The following ARFGEF2 variants were observed in gnomAD, a reference collection of about 807,000 sequenced individuals.
The protein encoded by ARFGEF2 is brefeldin A-inhibited guanine nucleotide-exchange protein 2.
A neutral mutation model predicts 219.9 loss-of-function variants in ARFGEF2; 74 were observed. The observed-to-expected ratio is 0.34, with a 90% confidence interval of 0.28 to 0.41. The LOEUF is 0.41. ARFGEF2 is among the 10% of genes least tolerant of loss of function. The probability of loss-of-function intolerance (pLI) is 1.00; values close to 1 mark genes in which losing one functional copy is unlikely to be tolerated. For synonymous variants in ARFGEF2, 733 were observed against 799.2 expected, an observed-to-expected ratio of 0.92 and a Z score of 1.40; for missense variants, 1,743 against 2,218.3, an observed-to-expected ratio of 0.79 and a Z score of 4.30.
In ARFGEF2 at chr20:48,921,909, AGAGCAT is replaced by A; in HGVS notation, c.22_27del (p.Ser8_Met9del). 6.4e-7 allele frequency: 1 copy of A among 1,551,662 alleles called. No individual in the cohort carries two copies. The highest frequency in any genetic ancestry group is 8.7e-7 in the Non-Finnish European group (1 of 1,147,004). ...GGGGCCATGCAGGAGAGCCAGACCA[AGAGCAT>A]GTTCGTGTCCCGGGCCCTGGAGAAG... On this transcript the variant is annotated inframe_deletion, in exon 1 of 39. Transcript: ENST00000371917.
intron 20 of ARFGEF2, among the ~76,000 whole-genome samples, chr20:48,989,961 C>T (rs2091347937): frequency 6.6e-6 from 1 of 152,152 alleles, no homozygotes. Flanking sequence ...AGGCAGATCA[C>T]CTGAAGTTGG....
In ARFGEF2 at chr20:48,998,361, T is replaced by C; in HGVS notation, c.3288T>C (p.Ala1096=). The C allele has an allele frequency of 6.2e-7, 1 of 1,614,190 alleles. No homozygotes were observed. ...AIVDFVRWLC[A]VSMDELASPH... ...TTGACTTTGTCCGCTGGCTGTGTGCTGTGTCCATGGATGAACTGGCTTCCC... is the reference window on the plus strand; with the variant it reads ...TTGACTTTGTCCGCTGGCTGTGTGCCGTGTCCATGGATGAACTGGCTTCCC... The change falls in exon 25 of 39, where the codon GCT becomes GCC. Residue 1096 remains alanine (A), a synonymous_variant. Coordinates refer to ENST00000371917, the MANE Select transcript of ARFGEF2 (RefSeq NM_006420.3).
intron 27 of ARFGEF2, 71 bp downstream of exon 27, chr20:49,010,475 T>C: frequency 6.3e-7 from 1 of 1,574,856 alleles, no homozygotes; most frequent in Non-Finnish European, 8.7e-7. Context: ...TGCTGTCTAT[T>C]TTACTACCTA....
At chr20:49,032,973 CAAA>C (rs200019014) in intron 38 of ARFGEF2, 47 bp from the exon 39 acceptor site, 39 of 1,300,122 alleles carry the variant, frequency 3.0e-5, no homozygotes, top group Admixed American at 3.9e-5. Context: ...AACTGGTGCC[CAAA>C]AAAAAAAAAA....
chr20:48,926,519 T>G lies in ARFGEF2; in HGVS notation c.121+4509T>G, dbSNP rs565816160. On this transcript the variant is annotated intron_variant, in intron 1 of 38. Transcript: ENST00000371917. ...CCCAGGCTGGAGTGCAGTGGTGGGG[T>G]GCGATCTCAGGTCACTGCAACCTCT... is the stretch of plus-strand genomic sequence containing the variant. Among the ~76,000 whole-genome samples, 162 of 151,252 alleles carry G rather than the reference T, an allele frequency of 1.1e-3. 1 individual carries two copies. The highest frequency in any genetic ancestry group is 9.2e-3 in the South Asian group (44 of 4,796).
intron 1 of ARFGEF2, among the ~76,000 whole-genome samples, chr20:48,927,989 A>G (rs1423349918): frequency 6.6e-6 from 1 of 152,156 alleles, no homozygotes; most frequent in Non-Finnish European, 1.5e-5. Flanking sequence ...CAGAGAGTTG[A>G]TTGAGACTTT....
chr20:48,939,188 T>A (rs1338505124), intron 1 of ARFGEF2, among the ~76,000 whole-genome samples: 4 of 152,012 alleles, frequency 2.6e-5, no homozygotes, highest in Admixed American at 2.6e-4. Flanking sequence ...TTGGTCAGGC[T>A]GGTCTCAAAC....
chr20:48,970,996 C>T (rs2091223663), intron 9 of ARFGEF2, 124 bp from the exon 10 acceptor site: 1 of 820,062 alleles, frequency 1.2e-6, no homozygotes, highest in Non-Finnish European at 2.1e-6. Flanking sequence ...ATTCTCCTGA[C>T]ATTTAGGTGC....
chr20:48,983,256 C>A (rs2091307761), intron 14 of ARFGEF2, among the ~76,000 whole-genome samples: 2 of 152,314 alleles, frequency 1.3e-5, no homozygotes, highest in South Asian at 4.1e-4. Flanking sequence ...ATAACCACAG[C>A]ACCATCATCA....
intron 1 of ARFGEF2, among the ~76,000 whole-genome samples, chr20:48,940,134 T>A (rs891241592): frequency 2.6e-5 from 4 of 152,240 alleles, no homozygotes; most frequent in Non-Finnish European, 5.9e-5. Context: ...AATAACACTA[T>A]CTCTGAGATT....
In ARFGEF2 at chr20:48,936,333, TG is replaced by T. The variant is rs1409742776; in HGVS notation, c.122-4864del. Among the ~76,000 whole-genome samples the T allele has an allele frequency of 2.7e-5, 4 of 147,254 alleles. No individual in the cohort carries two copies. The East Asian group carries it at 8.4e-4, about 31-fold the overall frequency. ...CCACCTCCCTCCCGGACGGGGCGGC[TG>T]GCTGGGCGGGGGGCTGACCCCCCCA... On this transcript the variant is annotated intron_variant, in intron 1 of 38. Transcript: ENST00000371917.
chr20:48,934,119 CAAAAAAAAAAAAAA>C (rs11476863), intron 1 of ARFGEF2, among the ~76,000 whole-genome samples: 1 of 56,134 alleles, frequency 1.8e-5, no homozygotes, highest in Non-Finnish European at 3.2e-5. Flanking sequence ...GACTTCATCT[CAAAAAAAAAAAAAA>C]AAAAAAAAAA....
intron 12 of ARFGEF2, among the ~76,000 whole-genome samples, chr20:48,973,866 GT>G (rs1454407857): frequency 2.0e-5 from 3 of 152,134 alleles, no homozygotes; most frequent in Non-Finnish European, 4.4e-5. Flanking sequence ...CCGAGTTGCT[GT>G]TTTGAATCTA....
intron 2 of ARFGEF2, 74 bp downstream of exon 2, chr20:48,941,303 T>C (rs1423894536): frequency 6.7e-7 from 1 of 1,483,676 alleles, no homozygotes; most frequent in Non-Finnish European, 9.3e-7. Flanking sequence ...AGCCTCTTTC[T>C]CTGCTTGGTT....
At chr20:48,995,940 T>C in intron 23 of ARFGEF2, 58 bp downstream of exon 23, 1 of 1,438,504 alleles carries the variant, frequency 7.0e-7, no homozygotes, top group Non-Finnish European at 9.8e-7. Context: ...GGCCTCTCTG[T>C]AGTTACTGGA....
intron 3 of ARFGEF2, among the ~76,000 whole-genome samples, chr20:48,950,355 A>G (rs1410124636): frequency 6.6e-6 from 1 of 152,128 alleles, no homozygotes; most frequent in Non-Finnish European, 1.5e-5. Context: ...ACCCCAGCTC[A>G]CAGCTACTTA....
In ARFGEF2 at chr20:48,921,790, C is replaced by T. The variant is rs1009377566; in HGVS notation, c.-100C>T. 2.6e-6 allele frequency: 3 copies of T among 1,162,748 alleles called. No homozygotes were observed. Among genetic ancestry groups the T allele is most frequent in the African/African-American group, 1.6e-5 (1 of 60,916 alleles). 72.0% of individuals were successfully genotyped at this position (1,162,748 alleles called of 1,614,324 possible). ...TTCCTGACGGGGCGGCGCGGACGGA[C>T]GCGGCCGGTGCCGGCCGGGACGCCG... On this transcript the variant is annotated 5_prime_UTR_variant, in exon 1 of 39. The change creates a new upstream start codon in the 5' untranslated region. Coordinates refer to ENST00000371917, the MANE Select transcript of ARFGEF2 (RefSeq NM_006420.3).
intron 18 of ARFGEF2, 95 bp from the exon 19 acceptor site, chr20:48,989,190 A>T: frequency 7.4e-7 from 1 of 1,353,956 alleles, no homozygotes; most frequent in Non-Finnish European, 1.1e-6. Flanking sequence ...GGGAGGATTT[A>T]GGAGTTAATC....
chr20:48,936,924 C>T, intron 1 of ARFGEF2, among the ~76,000 whole-genome samples: 1 of 152,068 alleles, frequency 6.6e-6, no homozygotes, highest in East Asian at 1.9e-4. Flanking sequence ...CTGTTCATAT[C>T]CTTCGCCCAT....
Sources: gnomAD v4.1 joint callset for allele counts (sites outside exome capture counted in the v4.1 genomes callset) on GRCh38, gnomAD v4.1.1 for gene constraint, MANE v1.5 for transcripts, NCBI Gene and HGNC (gene_info 2026-07-23, HGNC 2026-07-21) for gene names.